The following MYT1L variants were observed in gnomAD, a reference collection of about 807,000 sequenced individuals.
MYT1L encodes myelin transcription factor 1 like.
Under a neutral mutation model 126.7 loss-of-function variants are expected in MYT1L, and 12 were observed. The ratio of observed to expected loss-of-function variants is 0.09; its 90% CI spans 0.06 to 0.15. The LOEUF is 0.15. Ranked by LOEUF, MYT1L falls within the 10% of genes least tolerant of loss-of-function variation. The pLI, the probability that MYT1L is intolerant of heterozygous loss-of-function variation, is 1.00. For synonymous variants in MYT1L, 541 were observed against 604.2 expected, an observed-to-expected ratio of 0.90 and a Z score of 1.53; for missense variants, 979 against 1,585.2, an observed-to-expected ratio of 0.62 and a Z score of 6.49.
chr2:1,851,599 G>A, intron 19 of MYT1L, 42 bp downstream of exon 19: 2 of 1,577,210 alleles, frequency 1.3e-6, no homozygotes, highest in Non-Finnish European at 1.7e-6. Flanking sequence ...CCATTTCAGT[G>A]AGAAAGAGCA....
intron 4 of MYT1L, among the ~76,000 whole-genome samples, chr2:2,012,054 ACTATGTGACC>A (rs2063880091): frequency 6.6e-6 from 1 of 152,238 alleles, no homozygotes. Context: ...GAGTCGAGTC[ACTATGTGACC>A]CAGAAATTCC....
rs1316522710 is a variant in MYT1L, at chr2:1,892,144, T to A, written c.2176A>T (p.Met726Leu). The A allele has an allele frequency of 6.5e-7, 1 of 1,548,372 alleles. No individual in the cohort carries two copies. Among genetic ancestry groups the A allele is most frequent in the South Asian group, 1.2e-5 (1 of 84,052 alleles). ...GTGGCCGCCATGTGGGCCGCCTCCA[T>A]GTCGTGCGTGTAGTCGAAGCTGCTC... ...SKSSFDYTHD[M>L]EAAHMAATAI... is the part of the protein sequence containing the mutation. The change falls in exon 15 of 25, where the codon ATG becomes TTG. Residue 726 changes from methionine (M) to leucine (L), a missense_variant. Met to Leu is a conservative substitution (Grantham distance 15). Coordinates refer to ENST00000647738, the MANE Select transcript of MYT1L (RefSeq NM_001303052.2).
At position 1,979,451 on chromosome 2, in the gene MYT1L, G is replaced by A; in HGVS notation, c.89+70C>T. On this transcript the variant is annotated intron_variant, in intron 7 of 24. Transcript: ENST00000647738. This position sits in a 1 kb window ranked among gnomAD's most constrained non-coding sequence, Gnocchi z 4.0. ...AGCTGCCGATGAGCTGGAAGGTGCA[G>A]TGTGCCCATTAGAAGGCGTGAATTT... is the stretch of plus-strand genomic sequence containing the variant. 1 of 1,423,436 alleles carries A rather than the reference G, an allele frequency of 7.0e-7. No individual in the cohort carries two copies. Among genetic ancestry groups the A allele is most frequent in the Non-Finnish European group, 9.9e-7 (1 of 1,006,666 alleles). 88.2% of individuals were successfully genotyped at this position (1,423,436 alleles called of 1,614,324 possible).
At chr2:1,946,826 C>T (rs1052353725) in intron 8 of MYT1L, among the ~76,000 whole-genome samples, 24 of 152,264 alleles carry the variant, frequency 1.6e-4, no homozygotes, top group South Asian at 2.1e-4. Flanking sequence ...GAATCACCAC[C>T]GGACAACCTG....
At position 2,109,875 on chromosome 2, in the gene MYT1L, T is replaced by TTATATATATATA. The variant is rs58549168; in HGVS notation, c.-303-55764_-303-55753dup. Among the ~76,000 whole-genome samples the TTATATATATATA allele has an allele frequency of 1.5e-3, 97 of 63,868 alleles. 3 individuals carry two copies. The highest frequency in any genetic ancestry group is 1.9e-3 in the Non-Finnish European group (67 of 34,600). The allele number at this position is 63,868 out of a possible 152,430, so 41.9% of individuals were successfully genotyped here. A position where few individuals can be genotyped will look rare whatever the true frequency, so the allele number is the denominator to read the frequency against. The stretch of plus-strand genomic sequence containing the variant: ...AGGAAGATTCACAAAAGTGCTGATT[T>TTATATATATATA]TATATATATATATATATATATATAT... On this transcript the variant is annotated intron_variant, in intron 3 of 24. Transcript: ENST00000647738.
intron 10 of MYT1L, among the ~76,000 whole-genome samples, chr2:1,920,492 C>T (rs552369832): frequency 2.5e-4 from 38 of 152,296 alleles, no homozygotes; most frequent in African/African-American, 8.9e-4. Flanking sequence ...ATCCGGGAGT[C>T]TAAAACATAA....
chr2:2,182,266 C>T (rs771773460), intron 2 of MYT1L, among the ~76,000 whole-genome samples: 4 of 152,178 alleles, frequency 2.6e-5, no homozygotes, highest in Non-Finnish European at 4.4e-5. Flanking sequence ...GCCTGTCCTC[C>T]AGATTGTTAG....
intron 4 of MYT1L, among the ~76,000 whole-genome samples, chr2:2,010,129 A>C (rs2063688167): frequency 2.0e-5 from 3 of 152,148 alleles, no homozygotes; most frequent in Non-Finnish European, 1.5e-5. Context: ...TAAAATGGAG[A>C]GTACACCAAG....
chr2:1,873,964 T>G (rs577752058), intron 18 of MYT1L, among the ~76,000 whole-genome samples: 1 of 151,868 alleles, frequency 6.6e-6, no homozygotes. Flanking sequence ...TACCGGACTC[T>G]ATGAGGGATG....
chr2:1,813,642 G>C (rs567470913), intron 21 of MYT1L, among the ~76,000 whole-genome samples: 19 of 152,070 alleles, frequency 1.2e-4, no homozygotes, highest in Non-Finnish European at 2.5e-4. Context: ...GCCTGCGAGG[G>C]GGTCCGGGCT....
At chr2:2,005,719 CATGCGTTCTTTCCTGT>C (rs1291888718) in intron 4 of MYT1L, among the ~76,000 whole-genome samples, 1 of 150,084 alleles carries the variant, frequency 6.7e-6, no homozygotes, top group African/African-American at 2.5e-5. Context: ...TTCTTTCCTG[CATGCGTTCTTTCCTGT>C]GTGCCTTCTT....
chr2:2,328,713 A>G (rs1299307764), intron 1 of MYT1L, among the ~76,000 whole-genome samples: 1 of 152,176 alleles, frequency 6.6e-6, no homozygotes, highest in Non-Finnish European at 1.5e-5. Context: ...ATTTGGATAA[A>G]ATTTTCCAGT....
intron 18 of MYT1L, among the ~76,000 whole-genome samples, chr2:1,855,421 A>T (rs901392087): frequency 6.6e-6 from 1 of 152,210 alleles, no homozygotes; most frequent in Non-Finnish European, 1.5e-5. Context: ...TTGGGTTTGG[A>T]AATGGCAGAA....
At chr2:2,068,179 T>C (rs905610788) in intron 3 of MYT1L, among the ~76,000 whole-genome samples, 10 of 152,114 alleles carry the variant, frequency 6.6e-5, no homozygotes, top group African/African-American at 2.4e-4. Context: ...GGAGACACTT[T>C]AGAAGCCACC....
intron 2 of MYT1L, among the ~76,000 whole-genome samples, chr2:2,194,400 C>G (rs536626651): frequency 6.6e-6 from 1 of 152,212 alleles, no homozygotes; most frequent in South Asian, 2.1e-4. Flanking sequence ...CTTTAGAACA[C>G]GACAGAAACT....
chr2:2,014,833 CT>C (rs1185418648), intron 4 of MYT1L, among the ~76,000 whole-genome samples: 1 of 152,208 alleles, frequency 6.6e-6, no homozygotes, highest in Non-Finnish European at 1.5e-5. Flanking sequence ...TGGAGTTCCC[CT>C]TAAGAGGGGT....
intron 3 of MYT1L, among the ~76,000 whole-genome samples, chr2:2,110,932 C>T (rs2079362995): frequency 6.6e-6 from 1 of 152,146 alleles, no homozygotes; most frequent in South Asian, 2.1e-4. Context: ...TTGAGCTGGT[C>T]CTTCAAACTT....
At chr2:1,805,822 G>T (rs1401647792) in intron 22 of MYT1L, among the ~76,000 whole-genome samples, 1 of 152,214 alleles carries the variant, frequency 6.6e-6, no homozygotes, top group African/African-American at 2.4e-5. Flanking sequence ...GGAGGCGGAG[G>T]TTGCAGTAAG....
chr2:2,292,974 C>T lies in MYT1L; in HGVS notation c.-520-8471G>A, dbSNP rs34112745. Among the ~76,000 whole-genome samples the T allele has an allele frequency of 6.8e-3, 1,039 of 152,238 alleles. 8 individuals are homozygous for T. Among genetic ancestry groups the T allele is most frequent in the Middle Eastern group, 0.02 (6 of 294 alleles). ...AACACACTCTGCAAAAGAACATTTTCCTCTGTCTTGCATGTTTATGTTTCA... is the reference window on the plus strand; with the variant it reads ...AACACACTCTGCAAAAGAACATTTTTCTCTGTCTTGCATGTTTATGTTTCA... On this transcript the variant is annotated intron_variant, in intron 1 of 24. Coordinates refer to ENST00000647738, the MANE Select transcript of MYT1L (RefSeq NM_001303052.2).
Sources: gnomAD v4.1 joint callset for allele counts (sites outside exome capture counted in the v4.1 genomes callset) on GRCh38, gnomAD v4.1.1 for gene constraint, Gnocchi (gnomAD v3.1) non-coding constraint, MANE v1.5 for transcripts, NCBI Gene and HGNC (gene_info 2026-07-23, HGNC 2026-07-21) for gene names.